PALM: variants seen among roughly 807,000 people sequenced by gnomAD.
PALM encodes the protein paralemmin-1.
In PALM, 18 loss-of-function variants were observed where a neutral mutation model predicts 30.7. The observed-to-expected ratio is 0.59, with a 90% confidence interval of 0.41 to 0.87. The LOEUF is 0.87. Ranked by LOEUF, PALM falls within the 40% of genes least tolerant of loss-of-function variation. The pLI is 0.00. For synonymous variants in PALM, 286 were observed against 242.8 expected (o/e 1.18, Z -1.66); for missense variants, 529 against 555.4 (o/e 0.95, Z 0.48).
At chr19:710,207 C>G (rs2032026363) in intron 1 of PALM, among the ~76,000 whole-genome samples, 2 of 152,208 alleles carry the variant, frequency 1.3e-5, no homozygotes, top group Non-Finnish European at 1.5e-5. Flanking sequence ...AAGCCGCCAA[C>G]TTTCCCCGGG....
rs2033233875 is a variant in PALM at position 742,930 on chromosome 19, C to G, written c.634+2447C>G. On this transcript the variant is annotated intron_variant, in intron 8 of 8. Coordinates refer to ENST00000338448, the MANE Select transcript of PALM (RefSeq NM_002579.3). The surrounding 1 kb of genome is among the most constrained non-coding windows in gnomAD (Gnocchi z 5.5). ...TGGGTGTACACGTAGGAGTGAACTG[C>G]TGGGTCCTGAGGCGACTGTGTGGAG... Among the ~76,000 whole-genome samples, 2 of 152,182 alleles carry G rather than the reference C, an allele frequency of 1.3e-5. No individual in the cohort carries two copies.
chr19:709,180 T>C lies in PALM; in HGVS notation c.5+29T>C. On this transcript the variant is annotated intron_variant, in intron 1 of 8. Transcript: ENST00000338448. This position sits in a 1 kb window ranked among gnomAD's most constrained non-coding sequence, Gnocchi z 4.3. ...AGTAGGCGCGCTCGGGCCGCGGGGC[T>C]GGGGGCCCGGAGCTCCGGGAGCCGG... The C allele has an allele frequency of 3.3e-6, 1 of 304,676 alleles. No individual in the cohort carries two copies. The allele number at this position is 304,676 out of a possible 1,614,324, so 18.9% of individuals were successfully genotyped here. A position where few individuals can be genotyped will look rare whatever the true frequency, so the allele number is the denominator to read the frequency against.
chr19:740,251 G>C, intron 7 of PALM, 101 bp from the exon 8 acceptor site: 1 of 1,241,150 alleles, frequency 8.1e-7, no homozygotes, highest in Non-Finnish European at 1.1e-6. Flanking sequence ...TCGCTGCTTG[G>C]CTCTGCGCTG....
chr19:710,250 G>A (rs574233790), intron 1 of PALM, among the ~76,000 whole-genome samples: 1 of 152,338 alleles, frequency 6.6e-6, no homozygotes, highest in South Asian at 2.1e-4. Context: ...CCCGCGGCTG[G>A]GTGGGGGCCG....
chr19:723,367 AC>A (rs964008390), intron 1 of PALM, among the ~76,000 whole-genome samples: 2 of 151,746 alleles, frequency 1.3e-5, no homozygotes, highest in Admixed American at 1.3e-4. Context: ...GGTCGGGGGA[AC>A]CTGTCTCCCA....
At chr19:717,731 G>C (rs935597288) in intron 1 of PALM, among the ~76,000 whole-genome samples, 1 of 152,026 alleles carries the variant, frequency 6.6e-6, no homozygotes. Flanking sequence ...TGGGAGTGGC[G>C]GGAGTGTGAG....
In PALM at chr19:709,225, T is replaced by A; in HGVS notation, c.5+74T>A. 1 of 295,336 alleles carries A rather than the reference T, an allele frequency of 3.4e-6. No homozygotes were observed. The highest frequency in any genetic ancestry group is 6.3e-6 in the Non-Finnish European group (1 of 159,538). 18.3% of individuals were successfully genotyped at this position (295,336 alleles called of 1,614,324 possible). On this transcript the variant is annotated intron_variant, in intron 1 of 8. Coordinates refer to ENST00000338448, the MANE Select transcript of PALM (RefSeq NM_002579.3). The surrounding 1 kb of genome is among the most constrained non-coding windows in gnomAD (Gnocchi z 4.3). Reference sequence around the variant, plus strand: ...AGCCGGGGAGGGGGGAGGCCCCCTCTCTCGCGCCCCATTGGGGGCGTCGCT... The same window carrying A: ...AGCCGGGGAGGGGGGAGGCCCCCTCACTCGCGCCCCATTGGGGGCGTCGCT...
At chr19:741,900 G>A (rs939847722) in intron 8 of PALM, among the ~76,000 whole-genome samples, 10 of 152,128 alleles carry the variant, frequency 6.6e-5, no homozygotes, top group African/African-American at 2.4e-4. Flanking sequence ...GGCCCGCAGT[G>A]CAGCGATGCC....
chr19:727,112 G>C, intron 3 of PALM, 24 bp downstream of exon 3: 2 of 1,482,796 alleles, frequency 1.3e-6, no homozygotes, highest in Non-Finnish European at 1.8e-6. Context: ...AGGGACCCAG[G>C]GTCAGGGAGT....
At chr19:714,157 G>A (rs1253912694) in intron 1 of PALM, among the ~76,000 whole-genome samples, 2 of 149,044 alleles carry the variant, frequency 1.3e-5, no homozygotes, top group Non-Finnish European at 3.0e-5. Context: ...TACCCTCCTC[G>A]GCCTCCCAAA....
chr19:732,371 G>T (rs988234888), intron 5 of PALM, among the ~76,000 whole-genome samples: 1 of 152,160 alleles, frequency 6.6e-6, no homozygotes, highest in Non-Finnish European at 1.5e-5. Context: ...GTTAATTCTG[G>T]CATCTGCCAT....
chr19:727,846 G>A (rs529881520), intron 4 of PALM, 152 bp downstream of exon 4: 10 of 723,212 alleles, frequency 1.4e-5, no homozygotes, highest in East Asian at 5.5e-5. Flanking sequence ...TGAGGGGGAC[G>A]CAGGACGGGA....
At chr19:719,757 C>A in intron 1 of PALM, 1 of 503,322 alleles carries the variant, frequency 2.0e-6, no homozygotes. Flanking sequence ...GACTCCCCCG[C>A]GCCTGGCGGG....
intron 1 of PALM, chr19:719,138 C>G: frequency 1.0e-6 from 1 of 985,344 alleles, no homozygotes; most frequent in Non-Finnish European, 1.2e-6. Context: ...GGGACCCCCT[C>G]GTTCTGGCTG....
intron 8 of PALM, among the ~76,000 whole-genome samples, chr19:741,724 A>T (rs939941410): frequency 6.6e-6 from 1 of 151,946 alleles, no homozygotes; most frequent in African/African-American, 2.4e-5. Context: ...CTGAGGTCTA[A>T]TTTGGTTTTA....
chr19:716,776 C>A (rs911627721), intron 1 of PALM, among the ~76,000 whole-genome samples: 5 of 152,146 alleles, frequency 3.3e-5, no homozygotes, highest in African/African-American at 1.2e-4. Flanking sequence ...CTGGCATTCC[C>A]ATTACACATG....
intron 4 of PALM, among the ~76,000 whole-genome samples, chr19:728,131 C>T (rs1414487791): frequency 6.6e-6 from 1 of 152,164 alleles, no homozygotes; most frequent in Non-Finnish European, 1.5e-5. Context: ...TCCCATGGTT[C>T]GAACGGGATG....
chr19:744,314 G>A (rs1568234717), intron 8 of PALM, among the ~76,000 whole-genome samples: 1 of 151,256 alleles, frequency 6.6e-6, no homozygotes. Flanking sequence ...GCAGGAGAAT[G>A]GCGTGAACCC....
At chr19:724,681 G>A (rs1400243360) in intron 1 of PALM, among the ~76,000 whole-genome samples, 1 of 151,898 alleles carries the variant, frequency 6.6e-6, no homozygotes, top group Admixed American at 6.6e-5. Context: ...GGGTGGTGGG[G>A]TCATGGCTCA....
Sources: gnomAD v4.1 joint callset for allele counts (sites outside exome capture counted in the v4.1 genomes callset) on GRCh38, gnomAD v4.1.1 for gene constraint, Gnocchi (gnomAD v3.1) non-coding constraint, MANE v1.5 for transcripts, NCBI Gene and HGNC (gene_info 2026-07-23, HGNC 2026-07-21) for gene names.